TRAPPC10: variants seen among roughly 807,000 people sequenced by gnomAD.
TRAPPC10 encodes trafficking protein particle complex subunit 10.
A neutral mutation model predicts 125.5 loss-of-function variants in TRAPPC10; 23 were observed. The ratio of observed to expected loss-of-function variants is 0.18; its 90% confidence interval spans 0.13 to 0.26. The LOEUF is 0.26. Among genes scored for constraint, TRAPPC10 ranks in the 10% least tolerant of loss-of-function variants. TRAPPC10 has a pLI of 1.00. For synonymous variants in TRAPPC10, 509 were observed against 518.0 expected, an observed-to-expected ratio of 0.98 and a Z score of 0.24; for missense variants, 1,123 against 1,308.4, an observed-to-expected ratio of 0.86 and a Z score of 2.19.
intron 3 of TRAPPC10, among the ~76,000 whole-genome samples, chr21:44,048,335 C>T (rs2034996768): frequency 6.6e-6 from 1 of 152,188 alleles, no homozygotes; most frequent in African/African-American, 2.4e-5. Context: ...CCTGCCCTCC[C>T]CACCCTCTGG....
chr21:44,068,791 G>T lies in TRAPPC10; in HGVS notation c.1038+5006G>T, dbSNP rs576247530. On this transcript the variant is annotated intron_variant, in intron 7 of 22. Transcript: ENST00000291574. Reference sequence around the variant, plus strand: ...AATTTTTGTATTTTTTGGCAGAGATGGGGTTTCACTATGTTGCCCAGGCTG... The same window carrying T: ...AATTTTTGTATTTTTTGGCAGAGATTGGGTTTCACTATGTTGCCCAGGCTG... Among the ~76,000 whole-genome samples, 3 of 151,908 alleles carry T rather than the reference G, an allele frequency of 2.0e-5. No individual in the cohort carries two copies. The East Asian group carries it at 5.8e-4, about 29-fold the overall frequency.
intron 18 of TRAPPC10, among the ~76,000 whole-genome samples, chr21:44,090,940 C>A (rs900222042): frequency 6.6e-6 from 1 of 152,180 alleles, no homozygotes; most frequent in Non-Finnish European, 1.5e-5. Flanking sequence ...TGCCTGTAAT[C>A]CCAGCACTTT....
chr21:44,019,080 A>G (rs1406802123), intron 1 of TRAPPC10, among the ~76,000 whole-genome samples: 2 of 151,778 alleles, frequency 1.3e-5, no homozygotes, highest in Non-Finnish European at 2.9e-5. Flanking sequence ...TTTTTAAGAC[A>G]TGGTCTCACT....
At chr21:44,046,516 T>G in intron 3 of TRAPPC10, 1 of 171,698 alleles carries the variant, frequency 5.8e-6, no homozygotes, top group South Asian at 9.6e-5. Flanking sequence ...GTTTTTTTTT[T>G]TTTTTTGGGG....
chr21:44,038,481 G>A (rs754661783), intron 3 of TRAPPC10, among the ~76,000 whole-genome samples: 1 of 151,828 alleles, frequency 6.6e-6, no homozygotes, highest in Admixed American at 6.6e-5. Flanking sequence ...CCCTGTTGCC[G>A]TGCCTGGGCA....
At position 44,059,185 on chromosome 21, in the gene TRAPPC10, C is replaced by G; in HGVS notation, c.761C>G (p.Ser254Cys). 6.2e-7 allele frequency: 1 copy of G among 1,611,110 alleles called. No individual in the cohort carries two copies. ...TACGACGAACTGGACGCCCTCTTCT[C>G]TCAGTATGTGGTCAACTTCGGGGCC... ...VQYDELDALFSQYVVNFGAGD... is the reference protein window; with the variant it reads ...VQYDELDALFCQYVVNFGAGD... Residue 254 changes from serine (S) to cysteine (C), a missense_variant, in exon 6 of 23, where the codon TCT (serine) becomes TGT (cysteine). Physicochemically the swap from Ser to Cys is moderately radical, Grantham distance 112. Coordinates refer to ENST00000291574, the MANE Select transcript of TRAPPC10 (RefSeq NM_003274.5). This position sits in a 1 kb window ranked among gnomAD's most constrained non-coding sequence, Gnocchi z 4.4.
intron 18 of TRAPPC10, chr21:44,091,717 C>A (rs546080726): frequency 6.9e-6 from 3 of 435,256 alleles, no homozygotes; most frequent in South Asian, 2.2e-5. Context: ...GGATTACAGG[C>A]GTGAGCCACC....
intron 17 of TRAPPC10, 131 bp downstream of exon 17, chr21:44,088,059 T>A (rs2038271732): frequency 1.3e-6 from 1 of 782,666 alleles, no homozygotes; most frequent in Admixed American, 2.4e-5. Flanking sequence ...GGCATGTGTT[T>A]AGCAGTTCTG....
At chr21:44,032,969 C>A (rs144091363) in intron 2 of TRAPPC10, among the ~76,000 whole-genome samples, 1 of 152,106 alleles carries the variant, frequency 6.6e-6, no homozygotes, top group Non-Finnish European at 1.5e-5. Flanking sequence ...AAATTAGGAG[C>A]GAGGTTAGAT....
At chr21:44,072,880 G>C (rs2036983815) in intron 7 of TRAPPC10, among the ~76,000 whole-genome samples, 1 of 152,222 alleles carries the variant, frequency 6.6e-6, no homozygotes, top group South Asian at 2.1e-4. Context: ...AAGTATCCCA[G>C]ATCTCCTGGC....
chr21:44,015,520 C>T (rs1189221580), intron 1 of TRAPPC10, among the ~76,000 whole-genome samples: 1 of 152,026 alleles, frequency 6.6e-6, no homozygotes, highest in Non-Finnish European at 1.5e-5. Context: ...TCAAGTGACC[C>T]CTCCCTTAGC....
chr21:44,062,692 A>G (rs548978383), intron 6 of TRAPPC10: 180 of 984,900 alleles, frequency 1.8e-4, no homozygotes, highest in Non-Finnish European at 2.0e-4. Context: ...GGGTGCTCCA[A>G]TAGCCCTGAG....
intron 3 of TRAPPC10, among the ~76,000 whole-genome samples, chr21:44,042,983 A>G (rs1018140404): frequency 6.6e-6 from 1 of 152,042 alleles, no homozygotes; most frequent in East Asian, 1.9e-4. Context: ...TATAGCTTCA[A>G]ATTATTTATA....
chr21:44,047,565 T>TGTGTGTGTGTGC (rs954810521), intron 3 of TRAPPC10, among the ~76,000 whole-genome samples: 77 of 147,200 alleles, frequency 5.2e-4, no homozygotes, highest in East Asian at 1.8e-3. Flanking sequence ...TGTGTGTGTG[T>TGTGTGTGTGTGC]GCGCGCACAC....
chr21:44,057,069 A>T (rs2035651228), intron 5 of TRAPPC10, among the ~76,000 whole-genome samples: 1 of 152,158 alleles, frequency 6.6e-6, no homozygotes, highest in South Asian at 2.1e-4. Context: ...GCCGAGTGAA[A>T]TAAGGCACAT....
intron 1 of TRAPPC10, among the ~76,000 whole-genome samples, chr21:44,014,939 T>G (rs189697051): frequency 6.6e-6 from 1 of 152,308 alleles, no homozygotes; most frequent in African/African-American, 2.4e-5. Context: ...ACTGAAGCTT[T>G]AGGAAGCACT....
intron 1 of TRAPPC10, among the ~76,000 whole-genome samples, 153 bp downstream of exon 1, chr21:44,012,713 C>T (rs2031266319): frequency 6.6e-6 from 1 of 151,982 alleles, no homozygotes; most frequent in African/African-American, 2.4e-5. Flanking sequence ...TGAGGCGGGG[C>T]CCTCTGACTT....
chr21:44,040,444 G>A (rs2034331034), intron 3 of TRAPPC10, among the ~76,000 whole-genome samples: 1 of 152,010 alleles, frequency 6.6e-6, no homozygotes, highest in African/African-American at 2.4e-5. Context: ...CCGGGCTCAA[G>A]TGATTGTCCT....
In TRAPPC10 at chr21:44,059,736, T is replaced by C. The variant is rs1009572171; in HGVS notation, c.790+522T>C. 11 of 466,830 alleles carry C rather than the reference T, an allele frequency of 2.4e-5. No individual in the cohort carries two copies. The highest frequency in any genetic ancestry group is 3.9e-5 in the African/African-American group (2 of 51,494). 28.9% of individuals were successfully genotyped at this position (466,830 alleles called of 1,614,324 possible). On this transcript the variant is annotated intron_variant, in intron 6 of 22. Coordinates refer to ENST00000291574, the MANE Select transcript of TRAPPC10 (RefSeq NM_003274.5). The surrounding 1 kb of genome is among the most constrained non-coding windows in gnomAD (Gnocchi z 4.4). ...CATTGGTTATTGTCCTCAGTGTTTT[T>C]CGCTGATACTTATTTTGATGAAAGT...
Sources: gnomAD v4.1 joint callset for allele counts (sites outside exome capture counted in the v4.1 genomes callset) on GRCh38, gnomAD v4.1.1 for gene constraint, Gnocchi (gnomAD v3.1) non-coding constraint, MANE v1.5 for transcripts, NCBI Gene and HGNC (gene_info 2026-07-23, HGNC 2026-07-21) for gene names.